Variants in ACTR3B observed in about 807,000 individuals in gnomAD.
The protein encoded by ACTR3B is actin related protein 3B.
Under a neutral mutation model 59.0 loss-of-function variants are expected in ACTR3B, and 8 were observed. That is an observed-to-expected ratio of 0.14 (90% CI 0.08 to 0.24). The LOEUF is 0.24. ACTR3B is among the 10% of genes least tolerant of loss of function. The pLI is 1.00. For synonymous variants in ACTR3B, 148 were observed against 197.9 expected (o/e 0.75, Z 2.12); for missense variants, 245 against 552.3 (o/e 0.44, Z 5.58).
At chr7:152,777,536 TAGAC>T (rs1029266938) in intron 1 of ACTR3B, among the ~76,000 whole-genome samples, 6 of 152,352 alleles carry the variant, frequency 3.9e-5, no homozygotes, top group African/African-American at 7.2e-5. Flanking sequence ...TTCTTATTGT[TAGAC>T]AGGGTAGTTG....
chr7:152,768,467 G>A (rs541596195), intron 1 of ACTR3B, among the ~76,000 whole-genome samples: 132 of 152,222 alleles, frequency 8.7e-4, no homozygotes, highest in African/African-American at 3.1e-3. Context: ...AAGAGGGTTT[G>A]CGAATGTTCT....
intron 7 of ACTR3B, among the ~76,000 whole-genome samples, chr7:152,821,940 G>A (rs985744920): frequency 3.9e-5 from 6 of 152,210 alleles, no homozygotes; most frequent in African/African-American, 9.6e-5. Context: ...TGAACCTTAA[G>A]GTTAAGCCTG....
chr7:152,786,591 C>T (rs898342699), intron 2 of ACTR3B, among the ~76,000 whole-genome samples: 14 of 149,600 alleles, frequency 9.4e-5, no homozygotes, highest in African/African-American at 3.4e-4. Context: ...AAACCCCACA[C>T]ACAAAAAACC....
chr7:152,765,788 A>G (rs1051012956), intron 1 of ACTR3B, among the ~76,000 whole-genome samples: 1 of 149,478 alleles, frequency 6.7e-6, no homozygotes, highest in Non-Finnish European at 1.5e-5. Context: ...TTAAAAAAAG[A>G]AAAAAAAAAG....
At chr7:152,838,716 C>T (rs561284747) in intron 9 of ACTR3B, among the ~76,000 whole-genome samples, 3 of 152,360 alleles carry the variant, frequency 2.0e-5, no homozygotes, top group South Asian at 4.1e-4. Context: ...TCCTCCATTT[C>T]CCACTGTGTC....
chr7:152,848,049 T>G (rs1798498813), intron 9 of ACTR3B, among the ~76,000 whole-genome samples: 1 of 152,144 alleles, frequency 6.6e-6, no homozygotes, highest in African/African-American at 2.4e-5. Context: ...GACTTAGAGG[T>G]GTGAATGGAC....
intron 6 of ACTR3B, among the ~76,000 whole-genome samples, chr7:152,817,997 G>C (rs1265451996): frequency 6.6e-6 from 1 of 152,124 alleles, no homozygotes; most frequent in Non-Finnish European, 1.5e-5. Flanking sequence ...GAGGAGAGGT[G>C]GCTGCCCTGC....
chr7:152,784,949 A>G (rs1452727693), intron 2 of ACTR3B, among the ~76,000 whole-genome samples: 2 of 152,214 alleles, frequency 1.3e-5, no homozygotes, highest in South Asian at 2.1e-4. Flanking sequence ...GGTTCAGTCC[A>G]TGACAATTGG....
intron 9 of ACTR3B, among the ~76,000 whole-genome samples, chr7:152,827,057 C>G (rs554068230): frequency 6.7e-6 from 1 of 150,078 alleles, no homozygotes; most frequent in Admixed American, 6.6e-5. Flanking sequence ...TCACAGCTCA[C>G]TGCAGCCTCG....
chr7:152,847,284 G>A (rs1480193362), intron 9 of ACTR3B, among the ~76,000 whole-genome samples: 1 of 152,204 alleles, frequency 6.6e-6, no homozygotes, highest in Non-Finnish European at 1.5e-5. Context: ...TTTTCTTCGC[G>A]TCTGTAGCTC....
intron 1 of ACTR3B, among the ~76,000 whole-genome samples, chr7:152,769,581 G>C (rs1199508698): frequency 2.0e-5 from 3 of 152,086 alleles, no homozygotes; most frequent in South Asian, 2.1e-4. Flanking sequence ...ATAGATAGGT[G>C]ATTTAAGCAT....
intron 5 of ACTR3B, 88 bp downstream of exon 5, chr7:152,814,733 G>A (rs1407812654): frequency 1.9e-6 from 2 of 1,039,926 alleles, no homozygotes; most frequent in Non-Finnish European, 2.8e-6. Flanking sequence ...TCCGCTGGAA[G>A]ACTGCGCTGT....
chr7:152,763,232 T>C (rs1214340813), intron 1 of ACTR3B, among the ~76,000 whole-genome samples: 3 of 142,178 alleles, frequency 2.1e-5, no homozygotes, highest in Non-Finnish European at 3.0e-5. Context: ...GGAGAATCAC[T>C]TGAATCCGAG....
At chr7:152,838,347 A>G (rs1034899064) in intron 9 of ACTR3B, among the ~76,000 whole-genome samples, 5 of 152,226 alleles carry the variant, frequency 3.3e-5, no homozygotes, top group Non-Finnish European at 5.9e-5. Context: ...ATGGAATACT[A>G]TGAAGCCATA....
chr7:152,851,541 T>C (rs1197390512), intron 9 of ACTR3B, among the ~76,000 whole-genome samples: 1 of 152,230 alleles, frequency 6.6e-6, no homozygotes, highest in Admixed American at 6.5e-5. Context: ...GTTCGGGTTC[T>C]GGGCAGGCGG....
intron 9 of ACTR3B, among the ~76,000 whole-genome samples, chr7:152,831,847 C>A (rs1269837651): frequency 2.0e-5 from 3 of 152,134 alleles, no homozygotes; most frequent in African/African-American, 7.2e-5. Context: ...ATGGGGAAGG[C>A]ACAGGGGCCA....
At chr7:152,847,148 C>T (rs1018807067) in intron 9 of ACTR3B, among the ~76,000 whole-genome samples, 1 of 150,454 alleles carries the variant, frequency 6.6e-6, no homozygotes, top group Non-Finnish European at 1.5e-5. Context: ...GTGCCCGGGG[C>T]TGCAGTCTGT....
chr7:152,807,645 CTT>C (rs2098256370), intron 4 of ACTR3B, among the ~76,000 whole-genome samples: 1 of 152,186 alleles, frequency 6.6e-6, no homozygotes, highest in Admixed American at 6.5e-5. Flanking sequence ...TCTTTGTACT[CTT>C]GTCAGCATTA....
rs1214864673 is a variant in ACTR3B, at chr7:152,822,335, C to T, written c.685-1007C>T. On this transcript the variant is annotated intron_variant, in intron 7 of 11. Transcript: ENST00000256001. ...AGCTGGGCGGCCCACCTCGTGCTTC[C>T]CGTAGGCAGCAAGTATCTGGGGGTC... Among the ~76,000 whole-genome samples, 4 of 152,344 alleles carry T rather than the reference C, an allele frequency of 2.6e-5. No homozygotes were observed. In the East Asian group the frequency reaches 7.7e-4, roughly 29 times the overall value.
Sources: gnomAD v4.1 joint callset for allele counts (sites outside exome capture counted in the v4.1 genomes callset) on GRCh38, gnomAD v4.1.1 for gene constraint, MANE v1.5 for transcripts, NCBI Gene and HGNC (gene_info 2026-07-23, HGNC 2026-07-21) for gene names.